CNTLN: variants seen among roughly 807,000 people sequenced by gnomAD.
CNTLN encodes the protein centlein, centrosomal protein.
In CNTLN, 212 loss-of-function variants were observed where a neutral mutation model predicts 180.0. The observed-to-expected ratio is 1.18, with a 90% CI of 1.05 to 1.32. The LOEUF is 1.32. Among genes scored for constraint, CNTLN ranks in the 40% most tolerant of loss-of-function variants. The pLI is 0.00. For missense variants in CNTLN, 2,095 were observed against 1,610.9 expected (o/e 1.30, Z -5.14); for synonymous variants, 722 against 563.1 (o/e 1.28, Z -3.99).
intron 5 of CNTLN, among the ~76,000 whole-genome samples, chr9:17,256,362 A>T (rs1826488039): frequency 6.6e-6 from 1 of 152,124 alleles, no homozygotes; most frequent in African/African-American, 2.4e-5. Context: ...TGACTGAACT[A>T]ATTTTCAAAC....
At chr9:17,332,266 C>G (rs543674637) in intron 9 of CNTLN, among the ~76,000 whole-genome samples, 6 of 151,962 alleles carry the variant, frequency 3.9e-5, no homozygotes, top group Non-Finnish European at 8.8e-5. Flanking sequence ...TAACCTTGGA[C>G]CCTTATAGAG....
intron 19 of CNTLN, among the ~76,000 whole-genome samples, chr9:17,457,937 A>G (rs918731703): frequency 6.6e-6 from 1 of 151,952 alleles, no homozygotes. Context: ...TGAAATCCTA[A>G]TTTAGGAGCT....
chr9:17,201,357 T>G (rs1299466019), intron 2 of CNTLN, among the ~76,000 whole-genome samples: 1 of 152,206 alleles, frequency 6.6e-6, no homozygotes, highest in East Asian at 1.9e-4. Context: ...ATAAAATGAG[T>G]TAGGGAGGAG....
intron 24 of CNTLN, among the ~76,000 whole-genome samples, chr9:17,485,490 G>A (rs997564121): frequency 2.6e-5 from 4 of 152,072 alleles, no homozygotes; most frequent in African/African-American, 9.7e-5. Flanking sequence ...TCTAAACTTT[G>A]AAGTATAAGA....
chr9:17,333,132 T>C (rs545272697), intron 10 of CNTLN, among the ~76,000 whole-genome samples: 7 of 152,224 alleles, frequency 4.6e-5, no homozygotes, highest in African/African-American at 1.4e-4. Flanking sequence ...CTTACAATTA[T>C]CCTTTATAGA....
At chr9:17,332,357 T>G (rs1373719660) in intron 9 of CNTLN, among the ~76,000 whole-genome samples, 1 of 152,064 alleles carries the variant, frequency 6.6e-6, no homozygotes, top group Non-Finnish European at 1.5e-5. Flanking sequence ...TCTTCCCTAA[T>G]GGGACATCAT....
At chr9:17,304,662 A>T (rs1390376587) in intron 7 of CNTLN, among the ~76,000 whole-genome samples, 1 of 152,178 alleles carries the variant, frequency 6.6e-6, no homozygotes, top group Non-Finnish European at 1.5e-5. Flanking sequence ...GCATATCCCC[A>T]TTCACAGATT....
At position 17,330,787 on chromosome 9, in the gene CNTLN, A is replaced by G. The variant is rs771715979; in HGVS notation, c.1497A>G (p.Thr499=). The G allele has an allele frequency of 6.2e-7, 1 of 1,607,146 alleles. No individual in the cohort carries two copies. Among genetic ancestry groups the G allele is most frequent in the South Asian group, 1.1e-5 (1 of 89,920 alleles). ...GTTTCTCCCGAAAGAGCATCATGAC[A>G]AGTGCTGAAGGAAAACATAAGGTAG... ...NKGFSRKSIM[T]SAEGKHKEPP... is the part of the protein sequence containing the mutation. Residue 499 remains threonine, a synonymous_variant, in exon 9 of 26, where the codon ACA becomes ACG. Transcript: ENST00000380647.
intron 5 of CNTLN, among the ~76,000 whole-genome samples, chr9:17,248,522 A>T (rs2132255114): frequency 7.0e-6 from 1 of 143,028 alleles, no homozygotes; most frequent in Non-Finnish European, 1.5e-5. Context: ...TATAATTTAT[A>T]AATATTTATA....
At chr9:17,280,109 C>T (rs1828574079) in intron 6 of CNTLN, among the ~76,000 whole-genome samples, 1 of 152,074 alleles carries the variant, frequency 6.6e-6, no homozygotes, top group South Asian at 2.1e-4. Context: ...TTATAAATTA[C>T]CCAGTTTTAG....
At chr9:17,356,107 A>G (rs1342365443) in intron 12 of CNTLN, among the ~76,000 whole-genome samples, 6 of 152,030 alleles carry the variant, frequency 3.9e-5, no homozygotes, top group Admixed American at 3.9e-4. Context: ...TCCAACAGGA[A>G]AAAGCATTGC....
intron 6 of CNTLN, among the ~76,000 whole-genome samples, chr9:17,279,861 T>C (rs1828556735): frequency 1.6e-5 from 1 of 62,800 alleles, no homozygotes; most frequent in Non-Finnish European, 3.0e-5. Flanking sequence ...ATTAATCCAA[T>C]TCTCATGAAT....
chr9:17,209,099 T>G (rs549957153), intron 2 of CNTLN, among the ~76,000 whole-genome samples: 13 of 152,156 alleles, frequency 8.5e-5, no homozygotes, highest in South Asian at 2.1e-4. Context: ...CTGTTAGTAC[T>G]GCTTTTGCTA....
At chr9:17,229,210 A>G (rs1246595768) in intron 3 of CNTLN, among the ~76,000 whole-genome samples, 2 of 152,102 alleles carry the variant, frequency 1.3e-5, no homozygotes, top group Admixed American at 6.6e-5. Flanking sequence ...TTCAAGAAGC[A>G]AAATGTTGTC....
intron 3 of CNTLN, among the ~76,000 whole-genome samples, chr9:17,228,781 C>T (rs79371988): frequency 0.022 from 3,348 of 152,124 alleles, 125 homozygotes; most frequent in African/African-American, 0.076. Flanking sequence ...GTAAATGGAA[C>T]CATAAGGACT....
intron 6 of CNTLN, among the ~76,000 whole-genome samples, chr9:17,283,286 C>T (rs1330715850): frequency 6.6e-6 from 1 of 151,986 alleles, no homozygotes; most frequent in Non-Finnish European, 1.5e-5. Context: ...TGTAGTTCTC[C>T]TTGAAGAGGT....
chr9:17,401,754 C>T (rs1826992738), intron 15 of CNTLN, among the ~76,000 whole-genome samples: 1 of 151,644 alleles, frequency 6.6e-6, no homozygotes, highest in Non-Finnish European at 1.5e-5. Context: ...AACTTTGGAG[C>T]ATCTCTAGGA....
chr9:17,517,057 A>G, the CNTLN span, among the ~76,000 whole-genome samples: 4 of 151,764 alleles, frequency 2.6e-5, no homozygotes, highest in Non-Finnish European at 5.9e-5. Flanking sequence ...CTGTCCCCCA[A>G]AAGATATGCT....
At chr9:17,471,422 T>A (rs12350770) in intron 23 of CNTLN, among the ~76,000 whole-genome samples, 1,589 of 152,180 alleles carry the variant, frequency 0.01, 24 homozygotes, top group African/African-American at 0.035. Context: ...ATTATAGTAA[T>A]TGAAAAGTAA....
Sources: allele counts gnomAD v4.1 joint callset (sites outside exome capture counted in the v4.1 genomes callset), GRCh38; gene constraint gnomAD v4.1.1; transcripts MANE v1.5; gene names NCBI Gene and HGNC (gene_info 2026-07-23, HGNC 2026-07-21).